The following ADGRL3 variants were observed in gnomAD, a reference collection of about 807,000 sequenced individuals.
The protein encoded by ADGRL3 is adhesion G protein-coupled receptor L3.
ADGRL3 carries 62 observed loss-of-function variants against 153.5 expected under a neutral mutation model. That is an observed-to-expected ratio of 0.40 (90% CI 0.33 to 0.50). The LOEUF (loss-of-function observed/expected upper bound fraction) is 0.50, where lower values mean the gene tolerates loss of function less well. Ranked by LOEUF, ADGRL3 falls within the 20% of genes least tolerant of loss-of-function variation. The probability of loss-of-function intolerance (pLI) is 0.47; values close to 1 mark genes in which losing one functional copy is unlikely to be tolerated. For missense variants in ADGRL3, 1,641 were observed against 1,859.4 expected (o/e 0.88, Z 2.16); for synonymous variants, 710 against 672.5 (o/e 1.06, Z -0.86).
At chr4:61,968,817 T>C (rs866187717) in intron 17 of ADGRL3, among the ~76,000 whole-genome samples, 1 of 152,188 alleles carries the variant, frequency 6.6e-6, no homozygotes, top group South Asian at 2.1e-4. Flanking sequence ...AATGGAATTT[T>C]CCAACATTTA....
intron 1 of ADGRL3, among the ~76,000 whole-genome samples, chr4:61,232,905 C>G (rs1261589229): frequency 2.6e-5 from 4 of 152,108 alleles, no homozygotes; most frequent in Non-Finnish European, 5.9e-5. Flanking sequence ...GTCATCAGGA[C>G]TTTGACTTAC....
Position 61,953,598 on chromosome 4 carries a change from C to T in ADGRL3, c.2805+5322C>T, listed in dbSNP as rs536168008. Among the ~76,000 whole-genome samples the T allele has an allele frequency of 8.5e-5, 13 of 152,246 alleles. No individual in the cohort carries two copies. In the East Asian group the frequency reaches 2.5e-3, roughly 29 times the overall value. On this transcript the variant is annotated intron_variant, in intron 17 of 26. Coordinates refer to ENST00000683033, the MANE Select transcript of ADGRL3 (RefSeq NM_001387552.1). The stretch of plus-strand genomic sequence containing the variant: ...ATTCCAAGGATTCCAGTGGAAACTT[C>T]AGGCACTCAAAAAACTCATATTTTT...
At chr4:61,557,366 A>T (rs1448119560) in intron 4 of ADGRL3, among the ~76,000 whole-genome samples, 2 of 152,182 alleles carry the variant, frequency 1.3e-5, no homozygotes, top group African/African-American at 4.8e-5. Flanking sequence ...CCTATAATAG[A>T]TGGATGGTTC....
chr4:61,508,134 C>G (rs529366908), intron 3 of ADGRL3, among the ~76,000 whole-genome samples: 16 of 152,076 alleles, frequency 1.1e-4, no homozygotes, highest in African/African-American at 3.4e-4. Flanking sequence ...TGTCAGGAGC[C>G]AAATCTCTAA....
chr4:61,496,988 G>C (rs577213595), intron 2 of ADGRL3, 133 bp from the exon 3 acceptor site: 1 of 292,438 alleles, frequency 3.4e-6, no homozygotes, highest in Admixed American at 5.6e-5. Context: ...GCTCAGTAGA[G>C]ACTGAATTGT....
chr4:61,711,797 A>G (rs1353115759), intron 6 of ADGRL3, among the ~76,000 whole-genome samples: 4 of 152,002 alleles, frequency 2.6e-5, no homozygotes, highest in Admixed American at 1.3e-4. Flanking sequence ...AGACTTCACT[A>G]CTTGTAATAA....
chr4:61,224,353 G>A (rs539664966), intron 1 of ADGRL3, among the ~76,000 whole-genome samples: 21 of 152,222 alleles, frequency 1.4e-4, no homozygotes, highest in Admixed American at 3.9e-4. Context: ...TAATTTTACA[G>A]TTTGATATAA....
At chr4:61,738,462 G>T (rs542874165) in intron 8 of ADGRL3, among the ~76,000 whole-genome samples, 1 of 152,086 alleles carries the variant, frequency 6.6e-6, no homozygotes, top group Non-Finnish European at 1.5e-5. Context: ...GGGTCAGATG[G>T]TAGTTCTACT....
chr4:61,833,566 A>G (rs1217602060), intron 9 of ADGRL3, among the ~76,000 whole-genome samples: 1 of 152,090 alleles, frequency 6.6e-6, no homozygotes, highest in Non-Finnish European at 1.5e-5. Flanking sequence ...GGGGGCCACA[A>G]GATTAGATGA....
intron 8 of ADGRL3, among the ~76,000 whole-genome samples, chr4:61,808,956 C>T (rs80118470): frequency 6.6e-6 from 1 of 151,640 alleles, no homozygotes; most frequent in Non-Finnish European, 1.5e-5. Context: ...ACATCCAAAA[C>T]GTTATAAAAG....
At chr4:61,810,975 A>T (rs2097609415) in intron 8 of ADGRL3, among the ~76,000 whole-genome samples, 1 of 151,954 alleles carries the variant, frequency 6.6e-6, no homozygotes, top group African/African-American at 2.4e-5. Context: ...TCACCTCAAA[A>T]ACAAACAAAC....
At chr4:61,213,565 C>G (rs1249920517) in intron 1 of ADGRL3, among the ~76,000 whole-genome samples, 2 of 152,026 alleles carry the variant, frequency 1.3e-5, no homozygotes, top group Non-Finnish European at 2.9e-5. Context: ...ACTGGCATAC[C>G]ACTGTGTTCA....
At chr4:61,493,469 C>T (rs1384462372) in intron 2 of ADGRL3, among the ~76,000 whole-genome samples, 1 of 152,142 alleles carries the variant, frequency 6.6e-6, no homozygotes, top group African/African-American at 2.4e-5. Context: ...ATAACTTTCA[C>T]CCATTGTTTC....
At chr4:61,376,288 G>T (rs1014210181) in intron 1 of ADGRL3, among the ~76,000 whole-genome samples, 5 of 151,678 alleles carry the variant, frequency 3.3e-5, no homozygotes, top group African/African-American at 1.2e-4. Flanking sequence ...TTCCATTATA[G>T]AAGTTGGAAA....
intron 6 of ADGRL3, among the ~76,000 whole-genome samples, chr4:61,711,613 A>G (rs988001655): frequency 2.0e-5 from 3 of 151,328 alleles, no homozygotes; most frequent in East Asian, 3.9e-4. Flanking sequence ...TAGTACCAGA[A>G]TAGGTTCAGA....
intron 2 of ADGRL3, among the ~76,000 whole-genome samples, chr4:61,486,913 T>C (rs2098201049): frequency 6.6e-6 from 1 of 152,204 alleles, no homozygotes; most frequent in Admixed American, 6.5e-5. Flanking sequence ...AAATGGGTTA[T>C]TGCTATCTCT....
rs143603098 is a variant in ADGRL3 at position 61,323,797 on chromosome 4, A to T, written c.-239-59327A>T. ...TCTTCTGAGCCTTCCAAACTGTTCCAGTCTCTGCCTGTTACCTAGTTCCAA... is the reference window on the plus strand; with the variant it reads ...TCTTCTGAGCCTTCCAAACTGTTCCTGTCTCTGCCTGTTACCTAGTTCCAA... On this transcript the variant is annotated intron_variant, in intron 1 of 26. Coordinates refer to ENST00000683033, the MANE Select transcript of ADGRL3 (RefSeq NM_001387552.1). Among the ~76,000 whole-genome samples the T allele has an allele frequency of 2.1e-3, 316 of 152,264 alleles. 2 individuals carry two copies. Among genetic ancestry groups the T allele is most frequent in the Non-Finnish European group, 2.9e-3 (197 of 68,018 alleles).
At chr4:61,949,402 A>G (rs910976352) in intron 17 of ADGRL3, among the ~76,000 whole-genome samples, 16 of 152,188 alleles carry the variant, frequency 1.1e-4, no homozygotes, top group African/African-American at 3.9e-4. Context: ...AATTGCATTT[A>G]AAATCTTAAA....
intron 21 of ADGRL3, among the ~76,000 whole-genome samples, chr4:62,017,226 C>T (rs2099216307): frequency 6.6e-6 from 1 of 151,998 alleles, no homozygotes; most frequent in South Asian, 2.1e-4. Context: ...GAGCAGGTCC[C>T]AGGATAACCT....
Sources: allele counts gnomAD v4.1 joint callset (sites outside exome capture counted in the v4.1 genomes callset), GRCh38; gene constraint gnomAD v4.1.1; transcripts MANE v1.5; gene names NCBI Gene and HGNC (gene_info 2026-07-23, HGNC 2026-07-21).